The following HINFP variants were observed in gnomAD, a reference collection of about 807,000 sequenced individuals.
HINFP encodes the protein MBD2 (methyl-CpG-binding protein)-interacting zinc finger protein.
Under a neutral mutation model 50.1 loss-of-function variants are expected in HINFP, and 20 were observed. That is an observed-to-expected ratio of 0.40 (90% CI 0.28 to 0.58). The LOEUF is 0.58. Ranked by LOEUF, HINFP falls within the 20% of genes least tolerant of loss-of-function variation. HINFP has a pLI of 0.45. For missense variants in HINFP, 505 were observed against 664.1 expected (o/e 0.76, Z 2.63); for synonymous variants, 247 against 243.7 (o/e 1.01, Z -0.13).
chr11:119,122,735 C>T (rs1214464464), intron 1 of HINFP, among the ~76,000 whole-genome samples: 3 of 151,950 alleles, frequency 2.0e-5, no homozygotes, highest in Admixed American at 6.6e-5. Flanking sequence ...GTGTGGATGC[C>T]GTGGGCAAGA....
chr11:119,132,158 C>T (rs76619306), intron 5 of HINFP, 176 bp downstream of exon 5: 66,428 of 682,014 alleles, frequency 0.097, 4,695 homozygotes, highest in South Asian at 0.28. Context: ...CATTGTTATT[C>T]AGTACTTACT....
intron 1 of HINFP, chr11:119,126,043 A>G (rs999246824): frequency 6.6e-6 from 1 of 152,170 alleles, no homozygotes; most frequent in African/African-American, 2.4e-5. Flanking sequence ...GTGTTTATCT[A>G]TAAATGAGGT....
At chr11:119,123,333 G>A (rs184342526) in intron 1 of HINFP, among the ~76,000 whole-genome samples, 8 of 152,032 alleles carry the variant, frequency 5.3e-5, no homozygotes, top group Admixed American at 2.0e-4. Context: ...GTGTAGAGAG[G>A]ACTCACCACA....
chr11:119,130,058 G>T (rs1283975903), intron 2 of HINFP: 1 of 152,358 alleles, frequency 6.6e-6, no homozygotes, highest in Non-Finnish European at 1.5e-5. Flanking sequence ...AGAGAGATAG[G>T]AAATGGATTG....
chr11:119,127,470 T>C (rs1372055183), intron 2 of HINFP: 1 of 148,388 alleles, frequency 6.7e-6, no homozygotes, highest in Non-Finnish European at 1.4e-5. Flanking sequence ...GTTTTGTTGT[T>C]GTGTTTTTTT....
rs1302932102 is a variant in HINFP at position 119,134,334 on chromosome 11, A to T, written c.1390A>T (p.Ile464Phe). The T allele has an allele frequency of 6.2e-7, 1 of 1,614,186 alleles. No homozygotes were observed. Among genetic ancestry groups the T allele is most frequent in the African/African-American group, 1.3e-5 (1 of 75,050 alleles). ...CTCTCAGGACAACCCCAGTTCTGTC[A>T]TCCACGTGGTGAATCAGACCAATGC... ...SASQDNPSSV[I>F]HVVNQTNAQG... Residue 464 changes from isoleucine (I) to phenylalanine (F), a missense_variant, in exon 10 of 10, where the codon ATC becomes TTC. Transcript: ENST00000350777. This position sits in a 1 kb window ranked among gnomAD's most constrained non-coding sequence, Gnocchi z 4.3.
chr11:119,123,282 G>C (rs553220485), intron 1 of HINFP, among the ~76,000 whole-genome samples: 2 of 152,260 alleles, frequency 1.3e-5, no homozygotes, highest in South Asian at 4.1e-4. Context: ...GAAAGAGCAT[G>C]ATCTTTGGAT....
At chr11:119,127,717 T>A (rs531651543) in intron 2 of HINFP, among the ~76,000 whole-genome samples, 2 of 151,796 alleles carry the variant, frequency 1.3e-5, no homozygotes, top group South Asian at 2.1e-4. Context: ...TTTAAAAAAA[T>A]TTTTTTTAGA....
intron 9 of HINFP, 159 bp from the exon 10 acceptor site, chr11:119,133,925 T>C (rs1362260145): frequency 1.9e-5 from 17 of 902,888 alleles, no homozygotes; most frequent in Non-Finnish European, 2.9e-5. Flanking sequence ...TGCCTTTTCT[T>C]CTACATATTC....
At chr11:119,123,548 CTTT>C (rs11342595) in intron 1 of HINFP, among the ~76,000 whole-genome samples, 5 of 138,846 alleles carry the variant, frequency 3.6e-5, no homozygotes, top group Admixed American at 7.3e-5. Flanking sequence ...TTTCTTTCTT[CTTT>C]TTTTTTTTTT....
chr11:119,133,040 A>G, intron 8 of HINFP, 38 bp downstream of exon 8: 3 of 1,614,192 alleles, frequency 1.9e-6, no homozygotes, highest in South Asian at 2.2e-5. Context: ...TAGTGGAAGT[A>G]TGGGGGACCC....
chr11:119,125,045 T>TG (rs1443268098), intron 1 of HINFP: 1 of 147,022 alleles, frequency 6.8e-6, no homozygotes, highest in Non-Finnish European at 1.5e-5. Context: ...GTTTTTTTTT[T>TG]TTTTTTTTTT....
At position 119,134,503 on chromosome 11, in the gene HINFP, C is replaced by G. The variant is rs201417605; in HGVS notation, c.*5C>G. On this transcript the variant is annotated 3_prime_UTR_variant, in exon 10 of 10. Coordinates refer to ENST00000350777, the MANE Select transcript of HINFP (RefSeq NM_198971.3). This position sits in a 1 kb window ranked among gnomAD's most constrained non-coding sequence, Gnocchi z 4.3. The stretch of plus-strand genomic sequence containing the variant: ...CCAGAGATCCAGATGGTTTGAAGGC[C>G]GCAGAGCCAGACCATTTCTTCCCCA... 4 of 1,580,372 alleles carry G rather than the reference C, an allele frequency of 2.5e-6. No individual in the cohort carries two copies. The highest frequency in any genetic ancestry group is 3.4e-6 in the Non-Finnish European group (4 of 1,161,070).
chr11:119,122,870 C>A (rs915811262), intron 1 of HINFP, among the ~76,000 whole-genome samples: 1 of 152,026 alleles, frequency 6.6e-6, no homozygotes, highest in African/African-American at 2.4e-5. Context: ...CACCTGTAAT[C>A]CCAGCACTTT....
chr11:119,134,689 T>C lies in HINFP; in HGVS notation c.*191T>C. On this transcript the variant is annotated 3_prime_UTR_variant, in exon 10 of 10. Coordinates refer to ENST00000350777, the MANE Select transcript of HINFP (RefSeq NM_198971.3). The surrounding 1 kb of genome is among the most constrained non-coding windows in gnomAD (Gnocchi z 4.3). ...ACTTCCCTTTTCTGCCAGACTACAT[T>C]TTGTGGGGAGCCTGAGGACTCTGGA... The C allele has an allele frequency of 1.9e-6, 1 of 529,408 alleles. No individual in the cohort carries two copies. Among genetic ancestry groups the C allele is most frequent in the Admixed American group, 3.2e-5 (1 of 31,162 alleles). 32.8% of individuals were successfully genotyped at this position (529,408 alleles called of 1,614,324 possible).
intron 1 of HINFP, chr11:119,125,361 ATCTT>A (rs1424427898): frequency 2.0e-5 from 3 of 152,036 alleles, no homozygotes; most frequent in Non-Finnish European, 2.9e-5. Context: ...TTTCATGTTT[ATCTT>A]TCTTCAATAA....
chr11:119,132,683 G>C lies in HINFP; in HGVS notation c.777G>C (p.Leu259=). 1.2e-6 allele frequency: 2 copies of C among 1,614,074 alleles called. No individual in the cohort carries two copies. Among genetic ancestry groups the C allele is most frequent in the Middle Eastern group, 1.6e-4 (1 of 6,062 alleles). ...CAGTGAATCACTATAAGTGCCCTCT[G>C]TGTGACATGACCTGCCCGCTGCCTT... is the stretch of plus-strand genomic sequence containing the variant. ...RNHVNHYKCP[L]CDMTCPLPSS... is the part of the protein sequence containing the mutation. Residue 259 remains leucine (L), a synonymous_variant, in exon 7 of 10, where the codon CTG becomes CTC. Coordinates refer to ENST00000350777, the MANE Select transcript of HINFP (RefSeq NM_198971.3).
In HINFP at chr11:119,130,884, T is replaced by C; in HGVS notation, c.341T>C (p.Leu114Pro). The C allele has an allele frequency of 6.2e-7, 1 of 1,614,244 alleles. No individual in the cohort carries two copies. Among genetic ancestry groups the C allele is most frequent in the Non-Finnish European group, 8.5e-7 (1 of 1,180,036 alleles). The change falls in exon 3 of 10, where the codon CTG becomes CCG. Residue 114 changes from leucine (L) to proline (P), a missense_variant. Leu to Pro is a moderately conservative substitution (Grantham distance 98, BLOSUM62 -3). Coordinates refer to ENST00000350777, the MANE Select transcript of HINFP (RefSeq NM_198971.3). ...CAGGCTGACCTTGGCCCCTGCATCC[T>C]GGACTTCCAGAGCCGGAACGTCATC... is the stretch of plus-strand genomic sequence containing the variant. ...QSQADLGPCI[L>P]DFQSRNVIPD...
At position 119,134,591 on chromosome 11, in the gene HINFP, G is replaced by A. The variant is rs1947973989; in HGVS notation, c.*93G>A. The stretch of plus-strand genomic sequence containing the variant: ...TAGTGGGCAGCCGTTGCCAATGGAT[G>A]CCTTTAGGAGTGGTGCCGAGAGCAG... On this transcript the variant is annotated 3_prime_UTR_variant, in exon 10 of 10. Transcript: ENST00000350777. The surrounding 1 kb of genome is among the most constrained non-coding windows in gnomAD (Gnocchi z 4.3). The A allele has an allele frequency of 1.0e-6, 1 of 975,368 alleles. No homozygotes were observed. Among genetic ancestry groups the A allele is most frequent in the African/African-American group, 1.6e-5 (1 of 61,208 alleles). 60.4% of individuals were successfully genotyped at this position (975,368 alleles called of 1,614,324 possible). A position where few individuals can be genotyped will look rare whatever the true frequency, so the allele number is the denominator to read the frequency against.
Sources: allele counts gnomAD v4.1 joint callset (sites outside exome capture counted in the v4.1 genomes callset), GRCh38; gene constraint gnomAD v4.1.1; non-coding constraint Gnocchi (gnomAD v3.1); transcripts MANE v1.5; gene names NCBI Gene and HGNC (gene_info 2026-07-23, HGNC 2026-07-21).